The following TMEM117 variants were observed in gnomAD, a reference collection of about 807,000 sequenced individuals.
TMEM117 encodes the protein transmembrane protein 117.
A neutral mutation model predicts 52.4 loss-of-function variants in TMEM117; 27 were observed. That is an observed-to-expected ratio of 0.51 (90% CI 0.38 to 0.71). TMEM117 has a LOEUF of 0.71. TMEM117 is among the 30% of genes least tolerant of loss of function. The probability of loss-of-function intolerance (pLI) is 0.00; values close to 1 mark genes in which losing one functional copy is unlikely to be tolerated. For synonymous variants in TMEM117, 215 were observed against 206.3 expected, an observed-to-expected ratio of 1.04 and a Z score of -0.36; for missense variants, 556 against 630.5, an observed-to-expected ratio of 0.88 and a Z score of 1.26.
chr12:44,120,204 A>G (rs1454885405), intron 3 of TMEM117, among the ~76,000 whole-genome samples: 1 of 152,170 alleles, frequency 6.6e-6, no homozygotes, highest in East Asian at 1.9e-4. Context: ...CAAAAAAAAT[A>G]CTTCAAATTA....
chr12:44,383,153 T>C (rs1450459543), intron 7 of TMEM117, among the ~76,000 whole-genome samples: 1 of 152,128 alleles, frequency 6.6e-6, no homozygotes, highest in African/African-American at 2.4e-5. Flanking sequence ...ATCGCACCCA[T>C]GTGGTAGAGA....
At chr12:44,127,993 T>C (rs1392746472) in intron 3 of TMEM117, among the ~76,000 whole-genome samples, 1 of 152,238 alleles carries the variant, frequency 6.6e-6, no homozygotes, top group East Asian at 1.9e-4. Context: ...ATTTCCTAAA[T>C]GGAAAGCCTT....
At chr12:44,274,243 A>C (rs1414841348) in intron 5 of TMEM117, among the ~76,000 whole-genome samples, 1 of 152,112 alleles carries the variant, frequency 6.6e-6, no homozygotes, top group Non-Finnish European at 1.5e-5. Context: ...AATTAACTTT[A>C]CCAAAGAAGT....
chr12:43,808,812 G>GAAA, the TMEM117 span, among the ~76,000 whole-genome samples: 14 of 80,728 alleles, frequency 1.7e-4, no homozygotes, highest in Admixed American at 2.9e-4. Flanking sequence ...TCAAAGGGGA[G>GAAA]AAAAAAAAAA....
intron 2 of TMEM117, among the ~76,000 whole-genome samples, chr12:43,857,691 A>C (rs1362333680): frequency 1.3e-5 from 2 of 152,206 alleles, no homozygotes; most frequent in African/African-American, 2.4e-5. Flanking sequence ...GGCTGAGTAG[A>C]GTACTGTGAT....
At chr12:44,376,820 A>G (rs1265608860) in intron 7 of TMEM117, 96 bp downstream of exon 7, 13 of 1,293,068 alleles carry the variant, frequency 1.0e-5, no homozygotes, top group South Asian at 4.6e-5. Context: ...TTTGAGAGGC[A>G]TAAATACAAT....
chr12:43,884,152 A>G (rs1470682590), intron 2 of TMEM117, among the ~76,000 whole-genome samples: 2 of 151,766 alleles, frequency 1.3e-5, no homozygotes, highest in African/African-American at 2.4e-5. Flanking sequence ...AAAAAAAAGA[A>G]AGAAAGAAAG....
At chr12:43,901,412 G>A (rs995525980) in intron 2 of TMEM117, among the ~76,000 whole-genome samples, 9 of 152,176 alleles carry the variant, frequency 5.9e-5, no homozygotes, top group African/African-American at 2.2e-4. Context: ...CTGGGTTCAA[G>A]CCATTCTTCT....
intron 3 of TMEM117, among the ~76,000 whole-genome samples, chr12:43,965,007 A>G (rs566721954): frequency 6.6e-6 from 1 of 152,340 alleles, no homozygotes; most frequent in Non-Finnish European, 1.5e-5. Flanking sequence ...ATAAGTCAAG[A>G]ACACAGTTGG....
intron 2 of TMEM117, among the ~76,000 whole-genome samples, chr12:43,873,593 T>C (rs1321980554): frequency 6.6e-6 from 1 of 152,130 alleles, no homozygotes; most frequent in Non-Finnish European, 1.5e-5. Context: ...CATTCGTTAA[T>C]TTTATGTCAT....
chr12:44,317,165 AT>A (rs564560444), intron 6 of TMEM117, among the ~76,000 whole-genome samples: 149 of 148,008 alleles, frequency 1.0e-3, no homozygotes, highest in African/African-American at 3.4e-3. Context: ...CAATATTCAG[AT>A]TTTTCATGGT....
chr12:44,150,419 T>C (rs1390387840), intron 4 of TMEM117, among the ~76,000 whole-genome samples: 1 of 151,990 alleles, frequency 6.6e-6, no homozygotes, highest in Admixed American at 6.6e-5. Flanking sequence ...GGCAATGGAG[T>C]GCTCCAGTAG....
intron 3 of TMEM117, among the ~76,000 whole-genome samples, chr12:44,134,392 T>G: frequency 6.6e-6 from 1 of 152,086 alleles, no homozygotes; most frequent in Admixed American, 6.6e-5. Flanking sequence ...AATTTTTTGG[T>G]TTTGTAGAGA....
intron 2 of TMEM117, among the ~76,000 whole-genome samples, chr12:43,936,962 A>G (rs986019397): frequency 1.3e-5 from 2 of 152,306 alleles, no homozygotes; most frequent in African/African-American, 4.8e-5. Flanking sequence ...GAGGTGGAGA[A>G]AAAAGAATGA....
chr12:44,300,224 A>C (rs79395918), intron 6 of TMEM117, among the ~76,000 whole-genome samples: 2,478 of 152,328 alleles, frequency 0.016, 74 homozygotes, highest in African/African-American at 0.056. Flanking sequence ...TATTCACCAG[A>C]GATCATTCCA....
intron 2 of TMEM117, among the ~76,000 whole-genome samples, chr12:43,871,111 G>C (rs1385427575): frequency 6.8e-6 from 1 of 147,630 alleles, no homozygotes; most frequent in Non-Finnish European, 1.5e-5. Flanking sequence ...TTTTTTGTTT[G>C]TTTGTTTTTG....
At chr12:44,115,672 G>A (rs1175768123) in intron 3 of TMEM117, among the ~76,000 whole-genome samples, 4 of 151,994 alleles carry the variant, frequency 2.6e-5, no homozygotes, top group African/African-American at 9.7e-5. Flanking sequence ...AAGCCTGTCT[G>A]CATTCATTAT....
At chr12:44,083,854 C>A in intron 3 of TMEM117, among the ~76,000 whole-genome samples, 1 of 151,882 alleles carries the variant, frequency 6.6e-6, no homozygotes, top group East Asian at 1.9e-4. Context: ...TTGCTTGTTA[C>A]ATGTTTTGTT....
At chr12:43,846,825 GAATA>G (rs925567100) in intron 2 of TMEM117, among the ~76,000 whole-genome samples, 3 of 151,952 alleles carry the variant, frequency 2.0e-5, no homozygotes, top group Non-Finnish European at 4.4e-5. Context: ...ATGTTTTAAG[GAATA>G]AATAAATAAA....
Sources: allele counts gnomAD v4.1 joint callset (sites outside exome capture counted in the v4.1 genomes callset), GRCh38; gene constraint gnomAD v4.1.1; transcripts MANE v1.5; gene names NCBI Gene and HGNC (gene_info 2026-07-23, HGNC 2026-07-21).